HAVCR2: variants seen among roughly 807,000 people sequenced by gnomAD.
HAVCR2 encodes hepatitis A virus cellular receptor 2.
A neutral mutation model predicts 24.7 loss-of-function variants in HAVCR2; 13 were observed. The observed-to-expected ratio is 0.53, with a 90% confidence interval of 0.34 to 0.84. The LOEUF is 0.84. HAVCR2 is among the 40% of genes least tolerant of loss of function. HAVCR2 has a pLI of 0.01. For missense variants in HAVCR2, 343 were observed against 371.2 expected (o/e 0.92, Z 0.62); for synonymous variants, 154 against 143.4 (o/e 1.07, Z -0.53).
intron 5 of HAVCR2, among the ~76,000 whole-genome samples, chr5:157,089,749 C>A (rs1450064035): frequency 6.6e-6 from 1 of 151,918 alleles, no homozygotes; most frequent in African/African-American, 2.4e-5. Flanking sequence ...ATGAGGGAGC[C>A]CCTTGTAAAG....
chr5:157,107,332 A>C (rs1207581467), intron 1 of HAVCR2: 1 of 184,256 alleles, frequency 5.4e-6, no homozygotes, highest in Non-Finnish European at 1.1e-5. Context: ...ACGGGAGAAC[A>C]GGGCTGATGG....
chr5:157,094,250 G>A (rs1757059717), intron 5 of HAVCR2, among the ~76,000 whole-genome samples: 1 of 151,602 alleles, frequency 6.6e-6, no homozygotes, highest in South Asian at 2.1e-4. Context: ...TGCTGCCCAG[G>A]CTGATCTTGG....
Position 157,085,847 on chromosome 5 carries a change from T to C in HAVCR2, c.*1255A>G, listed in dbSNP as rs995085119. ...ACAAACAAAAAACAGTAAAAAAAAA[T>C]TTTTAGTAAGTTCCAATTGTGTGTC... On this transcript the variant is annotated 3_prime_UTR_variant, in exon 7 of 7. Coordinates refer to ENST00000307851, the MANE Select transcript of HAVCR2 (RefSeq NM_032782.5). The C allele has an allele frequency of 6.6e-6, 1 of 151,780 alleles. No homozygotes were observed. Among genetic ancestry groups the C allele is most frequent in the Admixed American group, 6.6e-5 (1 of 15,238 alleles). 9.4% of individuals were successfully genotyped at this position (151,780 alleles called of 1,614,324 possible).
At chr5:157,094,394 T>G (rs1338990995) in intron 5 of HAVCR2, among the ~76,000 whole-genome samples, 2 of 139,672 alleles carry the variant, frequency 1.4e-5, no homozygotes, top group African/African-American at 6.2e-5. Flanking sequence ...ATTTTATTAC[T>G]TTTTTTTTTA....
intron 6 of HAVCR2, among the ~76,000 whole-genome samples, chr5:157,087,643 C>T (rs75262981): frequency 0.04 from 6,128 of 152,072 alleles, 304 homozygotes; most frequent in African/African-American, 0.12. Context: ...CCGTGGCTCA[C>T]GCCTGTAATC....
At chr5:157,104,775 GA>G in intron 2 of HAVCR2, 26 bp from the exon 3 acceptor site, 1 of 1,486,454 alleles carries the variant, frequency 6.7e-7, no homozygotes, top group South Asian at 1.2e-5. Flanking sequence ...ACATAAGGAT[GA>G]AAATTATCTG....
chr5:157,105,621 G>A (rs752027301), intron 2 of HAVCR2, among the ~76,000 whole-genome samples: 11 of 152,138 alleles, frequency 7.2e-5, no homozygotes, highest in Non-Finnish European at 1.0e-4. Flanking sequence ...AGCTCACAGC[G>A]TTTCAATAAC....
At chr5:157,095,263 G>T (rs369081388) in intron 5 of HAVCR2, 43 bp downstream of exon 5, 26 of 1,603,408 alleles carry the variant, frequency 1.6e-5, no homozygotes, top group Middle Eastern at 3.3e-4. Flanking sequence ...GGTTCTCACT[G>T]AAGAATTTGT....
At chr5:157,102,968 AAAG>A (rs1307409536) in intron 3 of HAVCR2, among the ~76,000 whole-genome samples, 1 of 150,678 alleles carries the variant, frequency 6.6e-6, no homozygotes, top group Non-Finnish European at 1.5e-5. Context: ...AAACTAAAGG[AAAG>A]AAGACTTCTG....
At position 157,087,140 on chromosome 5, in the gene HAVCR2, G is replaced by A. The variant is rs776648359; in HGVS notation, c.868C>T (p.Pro290Ser). ...YYCYVSSRQQ[P>S]SQPLGCRFAM... Reference sequence around the variant, plus strand: ...AAGCGACAACCCAAAGGTTGTGAGGGTTGCTGCCTGCTGCTGACATAGCAA... The same window carrying A: ...AAGCGACAACCCAAAGGTTGTGAGGATTGCTGCCTGCTGCTGACATAGCAA... The change falls in exon 7 of 7, where the codon CCC becomes TCC. Residue 290 changes from proline (P) to serine (S), a missense_variant. Pro to Ser is a moderately conservative substitution (Grantham distance 74). Transcript: ENST00000307851. 1 of 1,614,002 alleles carries A rather than the reference G, an allele frequency of 6.2e-7. No individual in the cohort carries two copies. The highest frequency in any genetic ancestry group is 1.1e-5 in the South Asian group (1 of 91,040).
Position 157,108,906 on chromosome 5 carries a change from A to T in HAVCR2, c.58+20T>A. On this transcript the variant is annotated intron_variant, in intron 1 of 6. Coordinates refer to ENST00000307851, the MANE Select transcript of HAVCR2 (RefSeq NM_032782.5). ...GTACAGCACCATTATGTCATTGTAA[A>T]TATCCATGCCGAGACTTACTTGTAA... The T allele has an allele frequency of 6.2e-7, 1 of 1,612,090 alleles. No homozygotes were observed. The highest frequency in any genetic ancestry group is 1.3e-5 in the African/African-American group (1 of 75,012).
chr5:157,099,253 T>TATTC (rs1476838536), intron 3 of HAVCR2, among the ~76,000 whole-genome samples: 1 of 151,910 alleles, frequency 6.6e-6, no homozygotes, highest in Non-Finnish European at 1.5e-5. Context: ...ACTCAGGCAT[T>TATTC]ATTTATTTAT....
chr5:157,095,293 C>G lies in HAVCR2; in HGVS notation c.676+13G>C. 1 of 1,611,942 alleles carries G rather than the reference C, an allele frequency of 6.2e-7. No individual in the cohort carries two copies. Among genetic ancestry groups the G allele is most frequent in the Non-Finnish European group, 8.5e-7 (1 of 1,179,158 alleles). The stretch of plus-strand genomic sequence containing the variant: ...ATTTGTTATCAGAGGGAGAGAGAAA[C>G]AAAAACACTTACATTTGAAAATTAA... On this transcript the variant is annotated intron_variant, in intron 5 of 6. Coordinates refer to ENST00000307851, the MANE Select transcript of HAVCR2 (RefSeq NM_032782.5).
intron 3 of HAVCR2, among the ~76,000 whole-genome samples, chr5:157,103,092 G>T (rs1435858950): frequency 1.3e-5 from 2 of 152,122 alleles, no homozygotes; most frequent in Non-Finnish European, 2.9e-5. Flanking sequence ...GGCCGGGCGC[G>T]GTGGCTCACG....
chr5:157,098,824 G>T (rs373503613), intron 4 of HAVCR2, 34 bp downstream of exon 4: 1 of 1,595,684 alleles, frequency 6.3e-7, no homozygotes, highest in South Asian at 1.1e-5. Flanking sequence ...CCTCCAAGTT[G>T]AGTACAACAT....
chr5:157,086,271 C>T lies in HAVCR2; in HGVS notation c.*831G>A, dbSNP rs3087616. 0.84 allele frequency: 127,277 copies of T among 152,244 alleles called. 53,389 individuals are homozygous for T. Among genetic ancestry groups the T allele is most frequent in the East Asian group, 0.99 (5,115 of 5,184 alleles). 9.4% of individuals were successfully genotyped at this position (152,244 alleles called of 1,614,324 possible). Reference sequence around the variant, plus strand: ...GCACTGGCACTGACAGTTGGGCAGGCAGTGCTCAAATAAGCCTAAATCTCA... The same window carrying T: ...GCACTGGCACTGACAGTTGGGCAGGTAGTGCTCAAATAAGCCTAAATCTCA... On this transcript the variant is annotated 3_prime_UTR_variant, in exon 7 of 7. Coordinates refer to ENST00000307851, the MANE Select transcript of HAVCR2 (RefSeq NM_032782.5).
chr5:157,089,419 C>A (rs1756961303), intron 5 of HAVCR2, among the ~76,000 whole-genome samples: 1 of 151,906 alleles, frequency 6.6e-6, no homozygotes, highest in South Asian at 2.1e-4. Context: ...GCCTGTAATC[C>A]CAGCTACTCG....
intron 4 of HAVCR2, among the ~76,000 whole-genome samples, chr5:157,097,426 T>A (rs1757108365): frequency 1.3e-5 from 2 of 151,914 alleles, no homozygotes; most frequent in South Asian, 4.2e-4. Flanking sequence ...GGCCAAATTT[T>A]AAAAAATATT....
At position 157,105,464 on chromosome 5, in the gene HAVCR2, G is replaced by T; in HGVS notation, c.395-715C>A. Among the ~76,000 whole-genome samples, 2 of 152,134 alleles carry T rather than the reference G, an allele frequency of 1.3e-5. 1 individual carries two copies. The highest frequency in any genetic ancestry group is 2.9e-5 in the Non-Finnish European group (2 of 68,014). On this transcript the variant is annotated intron_variant, in intron 2 of 6. Coordinates refer to ENST00000307851, the MANE Select transcript of HAVCR2 (RefSeq NM_032782.5). ...AGTGTCCAAAAAGTTTTGGATTTTA[G>T]AGCATTTCAGATTTTGGTGCATTTT...
Sources: allele counts gnomAD v4.1 joint callset (sites outside exome capture counted in the v4.1 genomes callset), GRCh38; gene constraint gnomAD v4.1.1; transcripts MANE v1.5; gene names NCBI Gene and HGNC (gene_info 2026-07-23, HGNC 2026-07-21).